Variants in EMB observed in about 807,000 individuals in gnomAD.
EMB encodes the protein embigin, also known as embigin homolog.
A neutral mutation model predicts 41.4 loss-of-function variants in EMB; 31 were observed. The observed-to-expected ratio is 0.75, with a 90% CI of 0.56 to 1.01. The LOEUF (loss-of-function observed/expected upper bound fraction) is 1.01, where lower values mean the gene tolerates loss of function less well. Ranked by LOEUF, EMB falls within the 50% of genes least tolerant of loss-of-function variation. The probability of loss-of-function intolerance (pLI) is 0.00; values close to 1 mark genes in which losing one functional copy is unlikely to be tolerated. For synonymous variants in EMB, 137 were observed against 140.4 expected, an observed-to-expected ratio of 0.98 and a Z score of 0.17; for missense variants, 379 against 388.3, an observed-to-expected ratio of 0.98 and a Z score of 0.20.
intron 1 of EMB, 196 bp from the exon 2 acceptor site, chr5:50,428,423 TTTTC>T (rs1745658214): frequency 1.7e-6 from 2 of 1,211,224 alleles, no homozygotes; most frequent in South Asian, 7.3e-5. Flanking sequence ...TTCTGATTTT[TTTTC>T]TTTTTTAACC....
chr5:50,428,702 C>T (rs1579740806), intron 1 of EMB: 1 of 985,130 alleles, frequency 1.0e-6, no homozygotes, highest in African/African-American at 1.7e-5. Context: ...GGCTGACGGG[C>T]CAGTTTGGGT....
chr5:50,411,896 C>T (rs1489364108), intron 2 of EMB: 2 of 152,056 alleles, frequency 1.3e-5, no homozygotes, highest in Non-Finnish European at 2.9e-5. Context: ...TCTTCAGAAC[C>T]TGTAAGGACT....
chr5:50,402,446 G>C, intron 6 of EMB, 127 bp from the exon 7 acceptor site: 1 of 840,870 alleles, frequency 1.2e-6, no homozygotes, highest in Non-Finnish European at 2.0e-6. Flanking sequence ...GAATGAAGGA[G>C]AGACATGCTA....
At chr5:50,428,585 A>C in intron 1 of EMB, 1 of 992,340 alleles carries the variant, frequency 1.0e-6, no homozygotes, top group Non-Finnish European at 1.2e-6. Flanking sequence ...AAAGATATGA[A>C]GAGGCAGAGA....
chr5:50,431,056 A>T (rs545445807), intron 1 of EMB, among the ~76,000 whole-genome samples: 25 of 152,302 alleles, frequency 1.6e-4, no homozygotes, highest in African/African-American at 6.0e-4. Flanking sequence ...CTCACATATT[A>T]AAAATACAAT....
At chr5:50,423,908 A>G (rs1423180946) in intron 2 of EMB, among the ~76,000 whole-genome samples, 3 of 152,146 alleles carry the variant, frequency 2.0e-5, no homozygotes, top group Non-Finnish European at 4.4e-5. Context: ...GCCTAACAAA[A>G]CTTTAAAAGA....
chr5:50,425,936 G>A (rs565844270), intron 2 of EMB, among the ~76,000 whole-genome samples: 27 of 152,060 alleles, frequency 1.8e-4, no homozygotes, highest in Admixed American at 3.3e-4. Context: ...TGCCTGCCTC[G>A]GCCTCCCAAA....
chr5:50,433,327 A>T (rs1372546599), intron 1 of EMB, among the ~76,000 whole-genome samples: 3 of 142,236 alleles, frequency 2.1e-5, no homozygotes, highest in Non-Finnish European at 4.6e-5. Context: ...ATAGGAATGG[A>T]AATAAATAGA....
At chr5:50,403,032 C>T in intron 6 of EMB, 146 bp downstream of exon 6, 1 of 716,822 alleles carries the variant, frequency 1.4e-6, no homozygotes, top group Non-Finnish European at 2.2e-6. Flanking sequence ...AAATACTGCT[C>T]CAAATAAGAA....
chr5:50,424,828 A>T (rs1378359332), intron 2 of EMB, among the ~76,000 whole-genome samples: 1 of 152,172 alleles, frequency 6.6e-6, no homozygotes, highest in Non-Finnish European at 1.5e-5. Context: ...ACCAAGAATC[A>T]TCCAGCCCCA....
Position 50,399,283 on chromosome 5 carries a change from A to G in EMB, c.974T>C (p.Leu325Pro), listed in dbSNP as rs1460724008. 6.2e-7 allele frequency: 1 copy of G among 1,608,712 alleles called. No individual in the cohort carries two copies. Among genetic ancestry groups the G allele is most frequent in the African/African-American group, 1.3e-5 (1 of 74,642 alleles). ...CATGATGTTTTGTATTCACTGGCCC[A>G]GAGACTCCTGAGTTAAATAAAGCAT... ...NVPRHRKNESLGQ is the reference protein window; with the variant it reads ...NVPRHRKNESPGQ Residue 325 changes from leucine (L) to proline (P), a missense_variant, in exon 9 of 9, where the codon CTG (leucine) becomes CCG (proline). Coordinates refer to ENST00000303221, the MANE Select transcript of EMB (RefSeq NM_198449.3).
At chr5:50,431,534 T>A (rs1216120637) in intron 1 of EMB, among the ~76,000 whole-genome samples, 11 of 152,182 alleles carry the variant, frequency 7.2e-5, no homozygotes, top group Admixed American at 6.5e-5. Context: ...ATTCTGTCAC[T>A]GACTGTTACT....
chr5:50,402,163 C>A, intron 7 of EMB, 123 bp downstream of exon 7: 2 of 995,430 alleles, frequency 2.0e-6, no homozygotes, highest in Non-Finnish European at 3.1e-6. Context: ...TCCACCACCA[C>A]GTGGACATAT....
At chr5:50,404,871 ATC>A (rs1210999515) in intron 5 of EMB, among the ~76,000 whole-genome samples, 1 of 151,936 alleles carries the variant, frequency 6.6e-6, no homozygotes, top group Non-Finnish European at 1.5e-5. Context: ...CTTCTGAATC[ATC>A]TGTCATCCTT....
At chr5:50,412,922 TTTCTGGGATACTGGTGTAA>T (rs1745366763) in intron 2 of EMB, among the ~76,000 whole-genome samples, 1 of 121,864 alleles carries the variant, frequency 8.2e-6, no homozygotes, top group African/African-American at 3.3e-5. Flanking sequence ...AAATCTGGGA[TTTCTGGGATACTGGTGTAA>T]AAAAAAAAAG....
chr5:50,437,164 G>A (rs535655928), intron 1 of EMB, among the ~76,000 whole-genome samples: 1 of 152,258 alleles, frequency 6.6e-6, no homozygotes, highest in South Asian at 2.1e-4. Flanking sequence ...CCAGCCATGT[G>A]GGAGGCTGAA....
intron 1 of EMB, among the ~76,000 whole-genome samples, chr5:50,433,344 T>TA (rs199516792): frequency 1.8e-4 from 23 of 125,434 alleles, no homozygotes; most frequent in Non-Finnish European, 3.5e-4. Flanking sequence ...TAGATCTCTT[T>TA]AAAAAAATAT....
At chr5:50,402,683 A>T (rs1004443456) in intron 6 of EMB, among the ~76,000 whole-genome samples, 1 of 151,900 alleles carries the variant, frequency 6.6e-6, no homozygotes, top group Non-Finnish European at 1.5e-5. Context: ...AGGCCGCAAA[A>T]ATAGGACATG....
At chr5:50,430,897 G>C (rs1745710802) in intron 1 of EMB, among the ~76,000 whole-genome samples, 1 of 152,254 alleles carries the variant, frequency 6.6e-6, no homozygotes. Context: ...AGAACAAGGA[G>C]AGAAAATGAG....
Sources: allele counts gnomAD v4.1 joint callset (sites outside exome capture counted in the v4.1 genomes callset), GRCh38; gene constraint gnomAD v4.1.1; transcripts MANE v1.5; gene names NCBI Gene and HGNC (gene_info 2026-07-23, HGNC 2026-07-21).